PPP2R3B: variants seen among roughly 807,000 people sequenced by gnomAD.
PPP2R3B encodes protein phosphatase 2 regulatory subunit B''beta, also known as serine/threonine-protein phosphatase 2A regulatory subunit B'' subunit beta.
PPP2R3B carries 68 observed loss-of-function variants against 72.9 expected under a neutral mutation model. The observed-to-expected ratio is 0.93, with a 90% CI of 0.77 to 1.14. PPP2R3B has a LOEUF of 1.14. PPP2R3B is among the 50% of genes most tolerant of loss of function. The probability of loss-of-function intolerance (pLI) is 0.00; values close to 1 mark genes in which losing one functional copy is unlikely to be tolerated. For synonymous variants in PPP2R3B, 466 were observed against 375.8 expected (o/e 1.24, Z -2.78); for missense variants, 1,018 against 842.0 (o/e 1.21, Z -2.59).
At chrX:363,863 G>A (rs1304901292) in intron 1 of PPP2R3B, among the ~76,000 whole-genome samples, 3 of 152,266 alleles carry the variant, frequency 2.0e-5, no homozygotes, top group Admixed American at 2.0e-4. Context: ...ATTCTGCAGT[G>A]AGCTCTCGGG....
rs746628795 is a variant in PPP2R3B, at chrX:361,494, C to A, written c.421G>T (p.Val141Leu). 1 of 1,614,016 alleles carries A rather than the reference C, an allele frequency of 6.2e-7. No homozygotes were observed. The highest frequency in any genetic ancestry group is 8.5e-7 in the Non-Finnish European group (1 of 1,179,876). Residue 141 changes from valine to leucine, a missense_variant, in exon 2 of 13, where the codon GTG becomes TTG. By Grantham distance (32) the Val-to-Leu change is conservative. Transcript: ENST00000390665. ...TCGATCTTGCTGATGACGGCATCCA[C>A]GTTGACGGAGTCCTGCGGGCGTCCT... ...PRGRPQDSVN[V>L]DAVISKIEST...
At chrX:347,382 T>A (rs3813597) in intron 3 of PPP2R3B, 46 bp from the exon 4 acceptor site, 35,106 of 1,560,796 alleles carry the variant, frequency 0.022, 2,133 homozygotes, top group East Asian at 0.19. Flanking sequence ...GGGGGGTGGC[T>A]TTCGACCCCG....
intron 10 of PPP2R3B, 148 bp downstream of exon 10, chrX:340,617 C>T (rs1284858757): frequency 6.3e-6 from 3 of 475,012 alleles, no homozygotes; most frequent in South Asian, 4.6e-5. Context: ...CTCCCTGGGC[C>T]GTCCTCCCTC....
At position 346,710 on chromosome X, in the gene PPP2R3B, G is replaced by A. The variant is rs770415200; in HGVS notation, c.783C>T (p.Tyr261=). Residue 261 remains tyrosine (Y), a synonymous_variant, in exon 5 of 13, where the codon TAC becomes TAT. Transcript: ENST00000390665. ...TCCGCTGGGGACCCACCGTGGTGATGTAGCGCGAGTGGAACTCGGACGCCT... is the reference window on the plus strand; with the variant it reads ...TCCGCTGGGGACCCACCGTGGTGATATAGCGCGAGTGGAACTCGGACGCCT... ...LKEASEFHSR[Y]ITTVIQRIFY... The A allele has an allele frequency of 1.5e-5, 24 of 1,609,254 alleles. No homozygotes were observed. The East Asian group carries it at 4.7e-4, about 31-fold the overall frequency.
chrX:372,747 CAGG>C (rs1254394099), intron 1 of PPP2R3B, among the ~76,000 whole-genome samples: 1 of 152,150 alleles, frequency 6.6e-6, no homozygotes, highest in African/African-American at 2.4e-5. Context: ...CACCTGAGGT[CAGG>C]AGTTCAAGAC....
chrX:363,115 C>T (rs1351359006), intron 1 of PPP2R3B, among the ~76,000 whole-genome samples: 4 of 151,876 alleles, frequency 2.6e-5, no homozygotes, highest in Non-Finnish European at 2.9e-5. Flanking sequence ...CAGTAGCTGC[C>T]GACTGAGTGC....
At chrX:345,112 C>G (rs745633757) in intron 7 of PPP2R3B, 245 of 480,802 alleles carry the variant, frequency 5.1e-4, no homozygotes, top group African/African-American at 4.5e-3. Context: ...GGGGCTCCAC[C>G]TAGCCCGGGA....
chrX:335,255 T>G (rs1401572943), intron 12 of PPP2R3B: 1 of 152,160 alleles, frequency 6.6e-6, no homozygotes, highest in Non-Finnish European at 1.5e-5. Context: ...ACTGGTCAGG[T>G]GGGGAGCAGA....
intron 1 of PPP2R3B, among the ~76,000 whole-genome samples, chrX:370,428 G>C (rs2071833731): frequency 6.6e-6 from 1 of 152,180 alleles, no homozygotes; most frequent in African/African-American, 2.4e-5. Context: ...CGAGGCGTGA[G>C]TCTCCACAGA....
At chrX:382,196 CTT>C (rs769206203) in intron 1 of PPP2R3B, among the ~76,000 whole-genome samples, 1,492 of 130,012 alleles carry the variant, frequency 0.011, 14 homozygotes, top group African/African-American at 0.038. Flanking sequence ...CTTTTTTTTT[CTT>C]TTTTTTTTTT....
chrX:353,985 CA>C (rs2071385850), intron 2 of PPP2R3B, among the ~76,000 whole-genome samples: 8 of 135,138 alleles, frequency 5.9e-5, no homozygotes, highest in South Asian at 2.5e-4. Context: ...ACCCAAAGAC[CA>C]GGGCTCATCC....
intron 1 of PPP2R3B, among the ~76,000 whole-genome samples, chrX:369,900 G>A (rs2071819846): frequency 6.6e-6 from 1 of 152,206 alleles, no homozygotes; most frequent in Non-Finnish European, 1.5e-5. Flanking sequence ...ACGGGAGGCT[G>A]TGGTATGGAA....
Position 341,316 on chromosome X carries a change from G to A in PPP2R3B, c.1166C>T (p.Thr389Ile), listed in dbSNP as rs2071068079. 6 of 1,612,510 alleles carry A rather than the reference G, an allele frequency of 3.7e-6. No homozygotes were observed. The African/African-American group carries it at 4.0e-5, about 11-fold the overall frequency. Residue 389 changes from threonine to isoleucine, a missense_variant, in exon 9 of 13, where the codon ACA becomes ATA. Coordinates refer to ENST00000390665, the MANE Select transcript of PPP2R3B (RefSeq NM_013239.5). ...CGCAGCAGGAACCCACCTGGTCGGT[G>A]TTTTTTTGTCTTCCTCAGAGATCAA... ...WFLISEEDKK[T>I]PTSIEYWFRC...
chrX:345,704 G>A (rs1196503651), intron 6 of PPP2R3B, 32 bp from the exon 7 acceptor site: 10 of 1,606,636 alleles, frequency 6.2e-6, no homozygotes, highest in African/African-American at 4.0e-5. Flanking sequence ...CTGAGCGCGG[G>A]GCCTCTGCGG....
chrX:334,598 G>A (rs1408086874), intron 12 of PPP2R3B, 81 bp from the exon 13 acceptor site: 85 of 1,352,742 alleles, frequency 6.3e-5, no homozygotes, highest in East Asian at 3.6e-4. Context: ...CAGGCTGCTC[G>A]GCCGCCAACC....
Position 334,344 on chromosome X carries a change from C to CGGCGGCGTTCTCGCG in PPP2R3B, c.*8_*22dup, listed in dbSNP as rs200071190. Reference sequence around the variant, plus strand: ...TGGTGGCACGTGGGGAGCGGCCCCGCGGCGGCGTTCTCGCGGGCGGCGTCA... The same window carrying CGGCGGCGTTCTCGCG: ...TGGTGGCACGTGGGGAGCGGCCCCGCGGCGGCGTTCTCGCGGGCGGCGTTCTCGCGGGCGGCGTCA... On this transcript the variant is annotated 3_prime_UTR_variant, in exon 13 of 13. Coordinates refer to ENST00000390665, the MANE Select transcript of PPP2R3B (RefSeq NM_013239.5). The CGGCGGCGTTCTCGCG allele has an allele frequency of 2.7e-6, 4 of 1,464,442 alleles. No homozygotes were observed. Among genetic ancestry groups the CGGCGGCGTTCTCGCG allele is most frequent in the South Asian group, 1.4e-5 (1 of 72,824 alleles). The allele number at this position is 1,464,442 out of a possible 1,614,324, so 90.7% of individuals were successfully genotyped here. A position where few individuals can be genotyped will look rare whatever the true frequency, so the allele number is the denominator to read the frequency against.
At chrX:372,704 C>G (rs1197287484) in intron 1 of PPP2R3B, among the ~76,000 whole-genome samples, 2 of 152,202 alleles carry the variant, frequency 1.3e-5, no homozygotes, top group African/African-American at 2.4e-5. Flanking sequence ...CACGCCCCTA[C>G]TCCCAGCACT....
intron 1 of PPP2R3B, among the ~76,000 whole-genome samples, chrX:368,325 T>C (rs1284183569): frequency 8.3e-4 from 37 of 44,736 alleles, no homozygotes; most frequent in Admixed American, 1.3e-3. Flanking sequence ...ACCACCCACC[T>C]TGGGCACCGA....
intron 1 of PPP2R3B, among the ~76,000 whole-genome samples, chrX:363,402 AATCCCACAGTGCATCTCCCCGAGCCCGCG>A (rs2071591844): frequency 1.3e-3 from 7 of 5,330 alleles, no homozygotes; most frequent in East Asian, 0.011. Flanking sequence ...CCGAGCCCGC[AATCCCACAGTGCATCTCCCCGAGCCCGCG>A]ATCCCACAAT....
Sources: gnomAD v4.1 joint callset for allele counts (sites outside exome capture counted in the v4.1 genomes callset) on GRCh38, gnomAD v4.1.1 for gene constraint, MANE v1.5 for transcripts, NCBI Gene and HGNC (gene_info 2026-07-23, HGNC 2026-07-21) for gene names.